Variants in PCDH15 observed in about 807,000 individuals in gnomAD.
PCDH15 encodes protocadherin-15.
Under a neutral mutation model 178.5 loss-of-function variants are expected in PCDH15, and 129 were observed. The ratio of observed to expected loss-of-function variants is 0.72; its 90% CI spans 0.63 to 0.84. PCDH15 has a LOEUF of 0.84. Among genes scored for constraint, PCDH15 ranks in the 40% least tolerant of loss-of-function variants. PCDH15 has a pLI of 0.00. For missense variants in PCDH15, 2,230 were observed against 2,099.9 expected (o/e 1.06, Z -1.21); for synonymous variants, 800 against 732.0 (o/e 1.09, Z -1.50).
At chr10:54,307,038 G>GTGTGTGTA (rs2060531525) in intron 8 of PCDH15, among the ~76,000 whole-genome samples, 2 of 24,842 alleles carry the variant, frequency 8.1e-5, no homozygotes, top group African/African-American at 2.1e-4. Context: ...ATGTGTGTGT[G>GTGTGTGTA]TGTATATATA....
At chr10:54,575,398 A>C (rs2090359107) in intron 2 of PCDH15, 1 of 153,200 alleles carries the variant, frequency 6.5e-6, no homozygotes, top group Non-Finnish European at 1.5e-5. Context: ...TCCTAATATT[A>C]GCCAAGTTAT....
intron 3 of PCDH15, among the ~76,000 whole-genome samples, chr10:54,837,863 C>T (rs1459074213): frequency 1.3e-5 from 2 of 152,042 alleles, no homozygotes; most frequent in Non-Finnish European, 2.9e-5. Flanking sequence ...AACTGTAGTC[C>T]TGGCTACAGA....
intron 1 of PCDH15, among the ~76,000 whole-genome samples, chr10:54,755,908 T>A (rs1394364912): frequency 2.6e-5 from 4 of 152,110 alleles, no homozygotes; most frequent in Non-Finnish European, 1.5e-5. Flanking sequence ...TGGATGTTAC[T>A]TTCTCTCTCT....
intron 1 of PCDH15, among the ~76,000 whole-genome samples, chr10:55,280,606 C>A (rs547812993): frequency 6.6e-6 from 1 of 151,630 alleles, no homozygotes; most frequent in Non-Finnish European, 1.5e-5. Context: ...TCTTTATAAG[C>A]TGTATTTGTT....
chr10:54,349,484 A>G (rs1007344431), intron 5 of PCDH15, among the ~76,000 whole-genome samples: 7 of 152,224 alleles, frequency 4.6e-5, no homozygotes, highest in South Asian at 4.1e-4. Flanking sequence ...TGAAAAGATC[A>G]ATGTTTTTCT....
chr10:53,996,608 T>C (rs1318435666), intron 20 of PCDH15, among the ~76,000 whole-genome samples: 2 of 152,148 alleles, frequency 1.3e-5, no homozygotes, highest in African/African-American at 4.8e-5. Context: ...CTAGTAACTT[T>C]GACTAAATTA....
chr10:55,452,566 T>C (rs1211370549), intron 2 of PCDH15, among the ~76,000 whole-genome samples: 2 of 152,192 alleles, frequency 1.3e-5, no homozygotes, highest in Non-Finnish European at 2.9e-5. Flanking sequence ...ATAATCAAAA[T>C]GCATTTTTCT....
At chr10:54,220,728 C>T (rs997627662) in intron 9 of PCDH15, among the ~76,000 whole-genome samples, 1 of 151,412 alleles carries the variant, frequency 6.6e-6, no homozygotes, top group Non-Finnish European at 1.5e-5. Flanking sequence ...CGGAGGCTGA[C>T]GCAGGAGAAT....
intron 8 of PCDH15, among the ~76,000 whole-genome samples, chr10:54,249,286 A>G (rs1285790975): frequency 6.6e-6 from 1 of 152,076 alleles, no homozygotes; most frequent in Non-Finnish European, 1.5e-5. Context: ...TTTTTGCAAT[A>G]GCTTTCCAAA....
chr10:54,655,298 G>GAGAGAGAGAGAGAGAC (rs1565866433), intron 2 of PCDH15, among the ~76,000 whole-genome samples: 24 of 112,608 alleles, frequency 2.1e-4, no homozygotes, highest in Non-Finnish European at 4.1e-4. Context: ...GAGAGAGAGA[G>GAGAGAGAGAGAGAGAC]AGAGACAGAG....
chr10:54,123,800 A>G (rs547661272), intron 15 of PCDH15, among the ~76,000 whole-genome samples: 38 of 152,312 alleles, frequency 2.5e-4, no homozygotes, highest in African/African-American at 8.7e-4. Flanking sequence ...TGGCACATAT[A>G]CACTACGGAA....
In PCDH15 at chr10:55,425,914, C is replaced by T. The variant is rs7918966; in HGVS notation, c.-156+201711G>A. Among the ~76,000 whole-genome samples the T allele has an allele frequency of 6.2e-3, 950 of 152,108 alleles. 14 individuals carry two copies. Among genetic ancestry groups the T allele is most frequent in the African/African-American group, 0.021 (889 of 41,494 alleles). ...AAATTGTAAAACGTTTCTATATTTG[C>T]TCTTACTAACTGAAAGATTAATTAT... On this transcript the variant is annotated intron_variant, in intron 2 of 5. Coordinates refer to the PCDH15 transcript ENST00000613346.
intron 1 of PCDH15, among the ~76,000 whole-genome samples, chr10:54,731,541 G>GATACATATATATATATATATATAT (rs1227921777): frequency 2.9e-5 from 2 of 68,318 alleles, no homozygotes; most frequent in African/African-American, 6.1e-5. Context: ...GAAAATGTGA[G>GATACATATATATATATATATATAT]ATAGATATAT....
intron 1 of PCDH15, among the ~76,000 whole-genome samples, chr10:54,799,394 A>G (rs1001052655): frequency 1.3e-5 from 2 of 152,150 alleles, no homozygotes. Context: ...TTTTAAAACT[A>G]TAGTTCAGAT....
At chr10:55,169,958 C>A (rs895666492) in intron 1 of PCDH15, among the ~76,000 whole-genome samples, 1 of 147,882 alleles carries the variant, frequency 6.8e-6, no homozygotes, top group East Asian at 2.0e-4. Context: ...ATTCCATAGA[C>A]TGTTACTTAA....
rs190704635 is a variant in PCDH15 at position 55,029,201 on chromosome 10, C to T, written c.-79-131701G>A. Among the ~76,000 whole-genome samples, 840 of 151,994 alleles carry T rather than the reference C, an allele frequency of 5.5e-3. 8 individuals are homozygous for T. Among genetic ancestry groups the T allele is most frequent in the African/African-American group, 0.019 (782 of 41,494 alleles). On this transcript the variant is annotated intron_variant, in intron 2 of 5. Transcript: ENST00000458638. ...TAAAATTCCCGGCCATATTTTCTGTCCTTGTACCTAGAACAAATATCTACA... is the reference window on the plus strand; with the variant it reads ...TAAAATTCCCGGCCATATTTTCTGTTCTTGTACCTAGAACAAATATCTACA...
intron 2 of PCDH15, among the ~76,000 whole-genome samples, chr10:55,501,756 G>T (rs548305989): frequency 4.6e-5 from 7 of 151,776 alleles, no homozygotes; most frequent in African/African-American, 1.4e-4. Context: ...GAATCTCAGT[G>T]AAGAGGCATT....
intron 1 of PCDH15, among the ~76,000 whole-genome samples, chr10:54,781,757 C>A (rs1320081171): frequency 6.6e-6 from 1 of 152,138 alleles, no homozygotes; most frequent in African/African-American, 2.4e-5. Context: ...CACTAAACAT[C>A]TTTACAATTT....
chr10:55,433,323 A>G (rs907998229), intron 2 of PCDH15, among the ~76,000 whole-genome samples: 6 of 152,224 alleles, frequency 3.9e-5, no homozygotes, highest in African/African-American at 1.2e-4. Flanking sequence ...GCTGGAGGCC[A>G]TAACCAAAGA....
Sources: gnomAD v4.1 joint callset for allele counts (sites outside exome capture counted in the v4.1 genomes callset) on GRCh38, gnomAD v4.1.1 for gene constraint, MANE v1.5 for transcripts, NCBI Gene and HGNC (gene_info 2026-07-23, HGNC 2026-07-21) for gene names.